The following MYO1D variants were observed in gnomAD, a reference collection of about 807,000 sequenced individuals.
MYO1D encodes the protein myosin ID, also known as unconventional myosin-Id.
MYO1D carries 83 observed loss-of-function variants against 122.0 expected under a neutral mutation model. That is an observed-to-expected ratio of 0.68 (90% CI 0.57 to 0.82). The LOEUF is 0.82. Ranked by LOEUF, MYO1D falls within the 40% of genes least tolerant of loss-of-function variation. The probability of loss-of-function intolerance (pLI) is 0.00; values close to 1 mark genes in which losing one functional copy is unlikely to be tolerated. For missense variants in MYO1D, 1,157 were observed against 1,269.5 expected, an observed-to-expected ratio of 0.91 and a Z score of 1.35; for synonymous variants, 464 against 446.9, an observed-to-expected ratio of 1.04 and a Z score of -0.48.
At chr17:32,845,304 C>T (rs73283786) in intron 1 of MYO1D, among the ~76,000 whole-genome samples, 7,389 of 152,162 alleles carry the variant, frequency 0.049, 580 homozygotes, top group African/African-American at 0.17. Flanking sequence ...TCCCTATTCA[C>T]TCAATAGCCT....
chr17:32,797,194 C>T (rs1052551340), intron 1 of MYO1D, among the ~76,000 whole-genome samples: 45 of 152,218 alleles, frequency 3.0e-4, no homozygotes, highest in African/African-American at 1.1e-3. Flanking sequence ...CAGTCTTGAT[C>T]TCCTGACCTC....
chr17:32,662,330 A>G (rs1209558590), intron 16 of MYO1D, among the ~76,000 whole-genome samples: 1 of 152,176 alleles, frequency 6.6e-6, no homozygotes, highest in East Asian at 1.9e-4. Flanking sequence ...AGTAGTTGAG[A>G]ACAAGCTCTG....
Position 32,773,246 on chromosome 17 carries a change from G to A in MYO1D, c.565-404C>T, listed in dbSNP as rs147833515. 4.5e-3 allele frequency among the ~76,000 whole-genome samples: 688 copies of A among 151,880 alleles called. 4 individuals are homozygous for A. Among genetic ancestry groups the A allele is most frequent in the African/African-American group, 0.016 (657 of 41,390 alleles). ...TCAACCTCTTTCTCCTTTCAATTTC[G>A]GCGCCACCCTTCAATCTCCCCCTTC... On this transcript the variant is annotated intron_variant, in intron 4 of 21. Coordinates refer to ENST00000318217, the MANE Select transcript of MYO1D (RefSeq NM_015194.3).
chr17:32,767,616 T>G lies in MYO1D; in HGVS notation c.831+20A>C. On this transcript the variant is annotated intron_variant, in intron 7 of 21. Transcript: ENST00000318217. ...GTTCTCAGCAGAAGACAATACATTC[T>G]GAGAGGTGTCCCTACTCACCAAGTG... The G allele has an allele frequency of 6.7e-7, 1 of 1,482,006 alleles. No homozygotes were observed. The highest frequency in any genetic ancestry group is 9.4e-7 in the Non-Finnish European group (1 of 1,063,898). 91.8% of individuals were successfully genotyped at this position (1,482,006 alleles called of 1,614,324 possible).
Position 32,824,208 on chromosome 17 carries a change from GAATCA to G in MYO1D, c.96-43429_96-43425del, listed in dbSNP as rs577648028. On this transcript the variant is annotated intron_variant, in intron 1 of 21. Transcript: ENST00000318217. ...AGACTCTCAGAATGATCACAAAGTA[GAATCA>G]AATTATATGCTGAACACAAGAGATT... 1.4e-4 allele frequency among the ~76,000 whole-genome samples: 21 copies of G among 152,018 alleles called. No homozygotes were observed. In the East Asian group the frequency reaches 3.5e-3, roughly 25 times the overall value.
intron 20 of MYO1D, among the ~76,000 whole-genome samples, chr17:32,605,988 T>A (rs2087623214): frequency 6.6e-6 from 1 of 151,402 alleles, no homozygotes; most frequent in Non-Finnish European, 1.5e-5. Flanking sequence ...TAGTCCCAGC[T>A]ACTTGGGGGG....
intron 16 of MYO1D, among the ~76,000 whole-genome samples, chr17:32,659,866 T>C (rs2088535997): frequency 6.6e-6 from 1 of 152,186 alleles, no homozygotes; most frequent in Non-Finnish European, 1.5e-5. Context: ...GGGTAAAGGG[T>C]AAATCAGATT....
chr17:32,715,123 C>T (rs551130556), intron 15 of MYO1D, among the ~76,000 whole-genome samples: 9 of 152,136 alleles, frequency 5.9e-5, no homozygotes, highest in African/African-American at 2.2e-4. Context: ...TAACATCTCA[C>T]GTCAGTCAGA....
At chr17:32,809,147 A>G (rs988362747) in intron 1 of MYO1D, among the ~76,000 whole-genome samples, 1 of 151,634 alleles carries the variant, frequency 6.6e-6, no homozygotes, top group Non-Finnish European at 1.5e-5. Context: ...AAAAAAAAAA[A>G]AAAACTGTCA....
chr17:32,530,990 G>C (rs913233067), intron 21 of MYO1D, among the ~76,000 whole-genome samples: 11 of 150,584 alleles, frequency 7.3e-5, no homozygotes, highest in Non-Finnish European at 1.5e-4. Flanking sequence ...TTAGTTCTCT[G>C]TCCTCACTCC....
chr17:32,560,125 T>C (rs1004877291), intron 21 of MYO1D, among the ~76,000 whole-genome samples: 2 of 152,056 alleles, frequency 1.3e-5, no homozygotes, highest in Non-Finnish European at 2.9e-5. Context: ...TGTGGTGGCA[T>C]GTGCCTGTAA....
chr17:32,648,044 C>T (rs9903598), intron 19 of MYO1D, among the ~76,000 whole-genome samples: 5,300 of 152,034 alleles, frequency 0.035, 269 homozygotes, highest in African/African-American at 0.11. Flanking sequence ...TGAAACCCTG[C>T]CTATACTAAA....
At chr17:32,624,681 CTG>C (rs1307404766) in intron 20 of MYO1D, among the ~76,000 whole-genome samples, 2 of 152,066 alleles carry the variant, frequency 1.3e-5, no homozygotes, top group Non-Finnish European at 2.9e-5. Context: ...GAGAAACAAA[CTG>C]TACAAATAAA....
chr17:32,542,160 C>T (rs1036813830), intron 21 of MYO1D, among the ~76,000 whole-genome samples: 1 of 152,196 alleles, frequency 6.6e-6, no homozygotes, highest in Non-Finnish European at 1.5e-5. Context: ...TCACCTTTTA[C>T]ATTCAGTGAC....
At chr17:32,716,304 T>C (rs1487542184) in intron 15 of MYO1D, among the ~76,000 whole-genome samples, 3 of 152,230 alleles carry the variant, frequency 2.0e-5, no homozygotes, top group African/African-American at 7.2e-5. Context: ...CTAAGGCAAC[T>C]AGTTTTATTT....
rs573421542 is a variant in MYO1D, at chr17:32,857,239, G to C, written c.95+19539C>G. ...TTTCCTTCCCATTTTCCATTTTATG[G>C]AATCTAATCCTGTCTTCCCAACTGT... On this transcript the variant is annotated intron_variant, in intron 1 of 21. Coordinates refer to ENST00000318217, the MANE Select transcript of MYO1D (RefSeq NM_015194.3). Among the ~76,000 whole-genome samples the C allele has an allele frequency of 3.3e-5, 5 of 152,256 alleles. No individual in the cohort carries two copies. In the South Asian group the frequency reaches 6.2e-4, roughly 19 times the overall value.
At position 32,765,022 on chromosome 17, in the gene MYO1D, T is replaced by C. The variant is rs1239478455; in HGVS notation, c.891A>G (p.Val297=). The part of the protein sequence containing the change: ...DTPLIENGKV[V]SIIAELLSTK... ...TAGAGAGCAATTCTGCTATGATAGA[T>C]ACTACTTTGCCATTCTCAATAAGAG... Residue 297 remains valine, a synonymous_variant, in exon 8 of 22, where the codon GTA becomes GTG. Transcript: ENST00000318217. 2.5e-6 allele frequency: 4 copies of C among 1,614,058 alleles called. No homozygotes were observed. The highest frequency in any genetic ancestry group is 1.3e-5 in the African/African-American group (1 of 74,934).
chr17:32,603,159 A>T (rs2087582412), intron 21 of MYO1D, among the ~76,000 whole-genome samples: 1 of 152,182 alleles, frequency 6.6e-6, no homozygotes, highest in Admixed American at 6.5e-5. Flanking sequence ...AAATCCTTAC[A>T]TACATTAAAG....
intron 1 of MYO1D, among the ~76,000 whole-genome samples, chr17:32,848,413 C>T (rs957842634): frequency 6.6e-6 from 1 of 152,190 alleles, no homozygotes; most frequent in Non-Finnish European, 1.5e-5. Context: ...ATTGATGAAT[C>T]TGGGTGAAAA....
Sources: allele counts gnomAD v4.1 joint callset (sites outside exome capture counted in the v4.1 genomes callset), GRCh38; gene constraint gnomAD v4.1.1; transcripts MANE v1.5; gene names NCBI Gene and HGNC (gene_info 2026-07-23, HGNC 2026-07-21).